The following CAPRIN2 variants were observed in gnomAD, a reference collection of about 807,000 sequenced individuals.
The protein encoded by CAPRIN2 is caprin family member 2.
CAPRIN2 carries 66 observed loss-of-function variants against 130.4 expected under a neutral mutation model. The ratio of observed to expected loss-of-function variants is 0.51; its 90% CI spans 0.42 to 0.62. CAPRIN2 has a LOEUF of 0.62. CAPRIN2 is among the 20% of genes least tolerant of loss of function. CAPRIN2 has a pLI of 0.00. For missense variants in CAPRIN2, 1,185 were observed against 1,246.6 expected, an observed-to-expected ratio of 0.95 and a Z score of 0.74; for synonymous variants, 471 against 444.1, an observed-to-expected ratio of 1.06 and a Z score of -0.76.
intron 1 of CAPRIN2, 199 bp from the exon 3 acceptor site, chr12:30,751,332 G>A: frequency 1.8e-6 from 1 of 565,084 alleles, no homozygotes; most frequent in East Asian, 3.0e-5. Flanking sequence ...AATCACATGA[G>A]TCTGGAATTA....
chr12:30,741,289 G>C (rs1227153281), intron 2 of CAPRIN2, among the ~76,000 whole-genome samples, 183 bp from the exon 4 acceptor site: 1 of 152,056 alleles, frequency 6.6e-6, no homozygotes, highest in African/African-American at 2.4e-5. Flanking sequence ...TTATTAAGTT[G>C]CATTTAAAAA....
chr12:30,710,970 C>T lies in CAPRIN2; in HGVS notation c.2666-500G>A, dbSNP rs1205856933. Among the ~76,000 whole-genome samples the T allele has an allele frequency of 6.6e-6, 1 of 152,172 alleles. No homozygotes were observed. Among genetic ancestry groups the T allele is most frequent in the Non-Finnish European group, 1.5e-5 (1 of 68,034 alleles). ...ATGCTTTTTTTATTTCCAAGTCATACACTTGTAATGTTTTAAGTGCCATAC... is the reference window on the plus strand; with the variant it reads ...ATGCTTTTTTTATTTCCAAGTCATATACTTGTAATGTTTTAAGTGCCATAC... On this transcript the variant is annotated intron_variant, in intron 16 of 16. Transcript: ENST00000298892. The surrounding 1 kb of genome is among the most constrained non-coding windows in gnomAD (Gnocchi z 4.8).
Position 30,719,074 on chromosome 12 carries a change from C to T in CAPRIN2, c.2148+1737G>A, listed in dbSNP as rs747192959. The T allele has an allele frequency of 1.2e-6, 2 of 1,612,380 alleles. No homozygotes were observed. Among genetic ancestry groups the T allele is most frequent in the East Asian group, 4.5e-5 (2 of 44,872 alleles). On this transcript the variant is annotated intron_variant, in intron 12 of 16. Transcript: ENST00000298892. ...CTGCAATCATCATTCATGTTTCATACTCACTGTCTGCATGGCTTGAAAGGG... is the reference window on the plus strand; with the variant it reads ...CTGCAATCATCATTCATGTTTCATATTCACTGTCTGCATGGCTTGAAAGGG...
intron 8 of CAPRIN2, among the ~76,000 whole-genome samples, chr12:30,727,314 G>C (rs1012108415): frequency 2.0e-5 from 3 of 152,178 alleles, no homozygotes; most frequent in African/African-American, 7.2e-5. Context: ...ACTTGAGAGA[G>C]AAAGGAGAGC....
intron 1 of CAPRIN2, among the ~76,000 whole-genome samples, chr12:30,751,995 T>C (rs2074192608): frequency 7.0e-6 from 1 of 143,060 alleles, no homozygotes; most frequent in Non-Finnish European, 1.5e-5. Context: ...CTCGGCACAC[T>C]GCAACCTCCA....
chr12:30,746,186 G>A (rs1174024904), intron 2 of CAPRIN2, among the ~76,000 whole-genome samples: 2 of 152,194 alleles, frequency 1.3e-5, no homozygotes, highest in African/African-American at 4.8e-5. Flanking sequence ...AATTTTTAGG[G>A]CAGTGAAAGT....
intron 2 of CAPRIN2, among the ~76,000 whole-genome samples, chr12:30,747,024 G>T (rs1198191312): frequency 6.6e-6 from 1 of 152,176 alleles, no homozygotes; most frequent in Non-Finnish European, 1.5e-5. Flanking sequence ...TGACTCTCTT[G>T]TTAGGGTCTA....
In CAPRIN2 at chr12:30,719,066, G is replaced by C; in HGVS notation, c.2148+1745C>G. Reference sequence around the variant, plus strand: ...ATAATGAACTGCAATCATCATTCATGTTTCATACTCACTGTCTGCATGGCT... The same window carrying C: ...ATAATGAACTGCAATCATCATTCATCTTTCATACTCACTGTCTGCATGGCT... On this transcript the variant is annotated intron_variant, in intron 12 of 16. Coordinates refer to ENST00000298892, the Ensembl canonical transcript of CAPRIN2. 2 of 1,611,496 alleles carry C rather than the reference G, an allele frequency of 1.2e-6. No homozygotes were observed. Among genetic ancestry groups the C allele is most frequent in the Non-Finnish European group, 1.7e-6 (2 of 1,178,382 alleles).
intron 2 of CAPRIN2, among the ~76,000 whole-genome samples, chr12:30,745,955 T>C (rs1037819241): frequency 6.6e-6 from 1 of 152,206 alleles, no homozygotes; most frequent in Non-Finnish European, 1.5e-5. Flanking sequence ...TCAATGAAGT[T>C]TTTAAAAACT....
intron 16 of CAPRIN2, 39 bp downstream of exon 18, chr12:30,711,525 CAT>C (rs2054589123): frequency 1.7e-5 from 25 of 1,460,336 alleles, no homozygotes; most frequent in East Asian, 1.1e-4. Context: ...GAACTAGAGA[CAT>C]GTGCTGGGTA....
intron 10 of CAPRIN2, 131 bp from the exon 12 acceptor site, chr12:30,723,445 T>C: frequency 1.6e-6 from 1 of 627,250 alleles, no homozygotes. Context: ...AAGTTCATCA[T>C]GCACTTTCTA....
chr12:30,726,009 T>C, exon 9 of CAPRIN2: 2 of 1,601,812 alleles, frequency 1.2e-6, no homozygotes, highest in Non-Finnish European at 1.7e-6. Flanking sequence ...CATCAGATCC[T>C]GCAGTTTTTC....
chr12:30,753,563 G>C lies in CAPRIN2; in HGVS notation c.201C>G (p.Tyr67Ter), dbSNP rs1357540160. 1 of 1,614,112 alleles carries C rather than the reference G, an allele frequency of 6.2e-7. No homozygotes were observed. The highest frequency in any genetic ancestry group is 1.1e-5 in the South Asian group (1 of 91,080). ...CCTCTGAATGGCCTGAAGGTGACTG[G>C]TAACCAAAAGGGGATGAAAAGAGTT... is the stretch of plus-strand genomic sequence containing the variant. Residue 67 changes from tyrosine to a stop codon, truncating the protein, a stop_gained, in exon 1 of 17, where the codon TAC (tyrosine) becomes TAG (stop). Transcript: ENST00000298892. LOFTEE classifies it high-confidence loss of function.
intron 3 of CAPRIN2, among the ~76,000 whole-genome samples, chr12:30,740,182 T>C (rs1336210556): frequency 6.6e-6 from 1 of 152,066 alleles, no homozygotes; most frequent in East Asian, 1.9e-4. Flanking sequence ...GGCAGGAAGA[T>C]CCCTTCAGCC....
At chr12:30,714,806 A>T in intron 14 of CAPRIN2, 153 bp downstream of exon 16, 2 of 542,988 alleles carry the variant, frequency 3.7e-6, no homozygotes, top group Admixed American at 6.2e-5. Context: ...TATGGAGAAT[A>T]GGTATATTAA....
intron 13 of CAPRIN2, chr12:30,716,109 T>A (rs935647426): frequency 5.3e-6 from 1 of 187,456 alleles, no homozygotes; most frequent in African/African-American, 2.4e-5. Context: ...TACTAAGTCA[T>A]ATCTTCAATC....
intron 15 of CAPRIN2, among the ~76,000 whole-genome samples, chr12:30,713,389 G>A (rs2056033156): frequency 6.6e-6 from 1 of 152,160 alleles, no homozygotes; most frequent in African/African-American, 2.4e-5. Flanking sequence ...TTAAGCTGAA[G>A]GCAATGTAGT....
At position 30,724,399 on chromosome 12, in the gene CAPRIN2, G is replaced by A. The variant is rs200738608; in HGVS notation, c.1958C>T (p.Pro653Leu). The A allele has an allele frequency of 1.5e-4, 244 of 1,613,038 alleles. No homozygotes were observed. The highest frequency in any genetic ancestry group is 1.8e-4 in the Non-Finnish European group (216 of 1,179,120). ...GGGGCTACCTGGAGTAGCTGAAGGC[G>A]GTTGTGACGTTGGAATTGCACTTGA... is the stretch of plus-strand genomic sequence containing the variant. Residue 653 changes from proline to leucine, a missense_variant, in exon 10 of 17, where the codon CCG becomes CTG. Transcript: ENST00000298892.
chr12:30,732,420 A>G (rs1463938696), intron 5 of CAPRIN2, among the ~76,000 whole-genome samples: 2 of 152,022 alleles, frequency 1.3e-5, no homozygotes, highest in African/African-American at 2.4e-5. Context: ...GCTTTCAGAT[A>G]TAATTTACAG....
Sources: allele counts gnomAD v4.1 joint callset (sites outside exome capture counted in the v4.1 genomes callset), GRCh38; gene constraint gnomAD v4.1.1; non-coding constraint Gnocchi (gnomAD v3.1); transcripts MANE v1.5; gene names NCBI Gene and HGNC (gene_info 2026-07-23, HGNC 2026-07-21).